FOXP1: variants seen among roughly 807,000 people sequenced by gnomAD.
FOXP1 encodes forkhead box P1, also known as forkhead box protein P1.
Under a neutral mutation model 98.2 loss-of-function variants are expected in FOXP1, and 15 were observed. The observed-to-expected ratio is 0.15, with a 90% CI of 0.10 to 0.24. The LOEUF is 0.24. FOXP1 is among the 10% of genes least tolerant of loss of function. The pLI is 1.00. For missense variants in FOXP1, 633 were observed against 848.5 expected (o/e 0.75, Z 3.15); for synonymous variants, 371 against 314.5 (o/e 1.18, Z -1.90).
At chr3:71,545,131 C>T (rs2045255535) in intron 2 of FOXP1, among the ~76,000 whole-genome samples, 1 of 151,922 alleles carries the variant, frequency 6.6e-6, no homozygotes, top group East Asian at 1.9e-4. Context: ...TTTATTTACA[C>T]ATGTACATGC....
rs1307285070 is a variant in FOXP1, at chr3:71,236,099, C to T, written c.-11-37707G>A. Among the ~76,000 whole-genome samples, 2 of 152,208 alleles carry T rather than the reference C, an allele frequency of 1.3e-5. 1 individual carries two copies. The highest frequency in any genetic ancestry group is 1.3e-4 in the Admixed American group (2 of 15,286). On this transcript the variant is annotated intron_variant, in intron 5 of 20. Coordinates refer to ENST00000649528, the MANE Select transcript of FOXP1 (RefSeq NM_001349338.3). ...CATTCAAGGAATCCCATTCTCTCCT[C>T]TCTGCTGACCTATGCTCATGGAATC... is the stretch of plus-strand genomic sequence containing the variant.
intron 3 of FOXP1, among the ~76,000 whole-genome samples, chr3:71,458,810 G>A (rs1251598403): frequency 6.6e-6 from 1 of 152,132 alleles, no homozygotes; most frequent in Non-Finnish European, 1.5e-5. Flanking sequence ...ACACTATAAT[G>A]AAAAGAAAAT....
At chr3:71,048,239 T>C (rs974842924) in intron 9 of FOXP1, among the ~76,000 whole-genome samples, 1 of 152,210 alleles carries the variant, frequency 6.6e-6, no homozygotes, top group Non-Finnish European at 1.5e-5. Context: ...CTAAAAGGAC[T>C]ATCCAAGCCC....
intron 3 of FOXP1, among the ~76,000 whole-genome samples, chr3:71,489,810 T>G (rs995605737): frequency 1.3e-5 from 2 of 152,348 alleles, no homozygotes; most frequent in Non-Finnish European, 2.9e-5. Flanking sequence ...ACCCGTCTTC[T>G]GACCTTAAAA....
At chr3:71,332,833 A>G (rs2076422460) in intron 4 of FOXP1, 1 of 152,238 alleles carries the variant, frequency 6.6e-6, no homozygotes, top group Non-Finnish European at 1.5e-5. Flanking sequence ...AGTCCTACAG[A>G]ATAGTAGCAC....
intron 4 of FOXP1, among the ~76,000 whole-genome samples, chr3:71,354,209 C>T (rs992180401): frequency 1.3e-5 from 2 of 149,910 alleles, no homozygotes; most frequent in African/African-American, 4.9e-5. Flanking sequence ...AACCCAGGAG[C>T]GGAGGTTATG....
chr3:71,053,560 G>A (rs2050198088), intron 8 of FOXP1, 76 bp downstream of exon 8: 2 of 1,570,628 alleles, frequency 1.3e-6, no homozygotes, highest in Admixed American at 1.7e-5. Flanking sequence ...TCTGGTGGAG[G>A]GGAGATTGCG....
chr3:70,975,135 G>C (rs1317942529), intron 17 of FOXP1, among the ~76,000 whole-genome samples: 1 of 152,116 alleles, frequency 6.6e-6, no homozygotes, highest in Non-Finnish European at 1.5e-5. Flanking sequence ...CCTGCAGTTT[G>C]CAAAACGAAA....
intron 3 of FOXP1, among the ~76,000 whole-genome samples, chr3:71,439,380 GT>G: frequency 6.6e-6 from 1 of 152,180 alleles, no homozygotes; most frequent in South Asian, 2.1e-4. Flanking sequence ...GTGGGGAGGG[GT>G]CTGAAGGGCA....
At chr3:71,198,466 T>G (rs2063450613) in intron 5 of FOXP1, 74 bp from the exon 6 acceptor site, 2 of 1,327,580 alleles carry the variant, frequency 1.5e-6, no homozygotes, top group Non-Finnish European at 2.1e-6. Context: ...GCAGTTGTTG[T>G]GCATAAGGAG....
At chr3:71,398,852 C>A (rs889105731) in intron 3 of FOXP1, among the ~76,000 whole-genome samples, 3 of 152,054 alleles carry the variant, frequency 2.0e-5, no homozygotes, top group Admixed American at 2.0e-4. Flanking sequence ...AAATACAATG[C>A]AAAATAAGAT....
At chr3:71,202,723 A>G (rs2063752357) in intron 5 of FOXP1, among the ~76,000 whole-genome samples, 1 of 152,222 alleles carries the variant, frequency 6.6e-6, no homozygotes, top group African/African-American at 2.4e-5. Context: ...ATTAATGAAA[A>G]GAAAACTAAG....
chr3:71,153,896 G>T (rs1033155184), intron 6 of FOXP1, among the ~76,000 whole-genome samples: 3 of 152,036 alleles, frequency 2.0e-5, no homozygotes, highest in African/African-American at 7.2e-5. Flanking sequence ...AAACATTAAT[G>T]AATAACATTT....
chr3:71,428,626 GC>G (rs1173072431), intron 3 of FOXP1, among the ~76,000 whole-genome samples: 7 of 152,154 alleles, frequency 4.6e-5, no homozygotes, highest in Non-Finnish European at 8.8e-5. Context: ...TTCTAAAGAG[GC>G]CCCCCTATGA....
chr3:71,187,616 G>C (rs932190540), intron 6 of FOXP1, among the ~76,000 whole-genome samples: 2 of 152,070 alleles, frequency 1.3e-5, no homozygotes, highest in African/African-American at 4.8e-5. Flanking sequence ...GATACAGTAA[G>C]TCTATATAAA....
chr3:71,140,863 T>G (rs2060034105), intron 6 of FOXP1, among the ~76,000 whole-genome samples: 1 of 151,854 alleles, frequency 6.6e-6, no homozygotes, highest in Admixed American at 6.6e-5. Flanking sequence ...ACCGTAGTCC[T>G]AGCTATTCAG....
At chr3:71,122,531 T>C (rs956139016) in intron 6 of FOXP1, among the ~76,000 whole-genome samples, 1 of 152,182 alleles carries the variant, frequency 6.6e-6, no homozygotes, top group African/African-American at 2.4e-5. Context: ...GAGGCACATC[T>C]GGAAACATAG....
chr3:71,383,476 G>T (rs1190877211), intron 3 of FOXP1, among the ~76,000 whole-genome samples: 3 of 152,116 alleles, frequency 2.0e-5, no homozygotes, highest in Non-Finnish European at 4.4e-5. Flanking sequence ...TGGTATTTAG[G>T]GCATGCACTT....
intron 5 of FOXP1, among the ~76,000 whole-genome samples, 188 bp downstream of exon 5, chr3:71,299,632 C>T (rs954824534): frequency 6.6e-6 from 1 of 152,174 alleles, no homozygotes; most frequent in African/African-American, 2.4e-5. Context: ...GAAATGTGAA[C>T]CTGTAGACCA....
Sources: allele counts gnomAD v4.1 joint callset (sites outside exome capture counted in the v4.1 genomes callset), GRCh38; gene constraint gnomAD v4.1.1; transcripts MANE v1.5; gene names NCBI Gene and HGNC (gene_info 2026-07-23, HGNC 2026-07-21).